The following MYO3B variants were observed in gnomAD, a reference collection of about 807,000 sequenced individuals.
MYO3B encodes the protein myosin-IIIb.
In MYO3B, 156 loss-of-function variants were observed where a neutral mutation model predicts 174.6. That is an observed-to-expected ratio of 0.89 (90% CI 0.78 to 1.02). The LOEUF (loss-of-function observed/expected upper bound fraction) is 1.02, where lower values mean the gene tolerates loss of function less well. MYO3B is among the 50% of genes least tolerant of loss of function. MYO3B has a pLI of 0.00. For synonymous variants in MYO3B, 563 were observed against 569.1 expected (o/e 0.99, Z 0.15); for missense variants, 1,632 against 1,639.4 (o/e 1.00, Z 0.08).
At chr2:170,603,147 G>GC (rs1160919260) in intron 32 of MYO3B, among the ~76,000 whole-genome samples, 1 of 152,036 alleles carries the variant, frequency 6.6e-6, no homozygotes, top group African/African-American at 2.4e-5. Context: ...CCACTTCCCT[G>GC]CCCCTGAAAT....
intron 32 of MYO3B, among the ~76,000 whole-genome samples, chr2:170,618,243 C>A (rs1575258225): frequency 6.6e-6 from 1 of 152,154 alleles, no homozygotes; most frequent in Non-Finnish European, 1.5e-5. Context: ...ATAGGAGCAT[C>A]CATCCATGTC....
intron 7 of MYO3B, among the ~76,000 whole-genome samples, chr2:170,295,437 A>C (rs1301162112): frequency 1.3e-5 from 2 of 151,824 alleles, no homozygotes; most frequent in Admixed American, 1.3e-4. Flanking sequence ...GATTCCCTTA[A>C]ATTTTTAATA....
chr2:170,204,054 A>C (rs1467138231), intron 3 of MYO3B, among the ~76,000 whole-genome samples: 1 of 152,170 alleles, frequency 6.6e-6, no homozygotes, highest in African/African-American at 2.4e-5. Flanking sequence ...CTTCCCTCTC[A>C]TTGTATGAGC....
At chr2:170,511,640 C>T (rs1188516854) in intron 28 of MYO3B, among the ~76,000 whole-genome samples, 1 of 152,186 alleles carries the variant, frequency 6.6e-6, no homozygotes, top group Non-Finnish European at 1.5e-5. Flanking sequence ...TAGGAAATCT[C>T]ATATAATCCA....
chr2:170,229,585 A>C (rs1031518777), intron 6 of MYO3B, among the ~76,000 whole-genome samples: 1 of 152,236 alleles, frequency 6.6e-6, no homozygotes, highest in African/African-American at 2.4e-5. Flanking sequence ...GACAGCAAAA[A>C]TACTATAATA....
intron 23 of MYO3B, among the ~76,000 whole-genome samples, chr2:170,453,269 C>T (rs1683703001): frequency 6.6e-6 from 1 of 152,170 alleles, no homozygotes; most frequent in African/African-American, 2.4e-5. Context: ...TCCTGTGGCA[C>T]TGCCGCTCCA....
At chr2:170,568,982 A>G (rs1322261394) in intron 32 of MYO3B, among the ~76,000 whole-genome samples, 1 of 152,208 alleles carries the variant, frequency 6.6e-6, no homozygotes, top group East Asian at 1.9e-4. Flanking sequence ...TTGTATCTAA[A>G]GATATTTTTA....
intron 6 of MYO3B, among the ~76,000 whole-genome samples, chr2:170,235,551 T>A (rs932850219): frequency 6.6e-6 from 1 of 152,210 alleles, no homozygotes; most frequent in Admixed American, 6.5e-5. Flanking sequence ...AACATCTCTC[T>A]GCTTAGTTGG....
Position 170,562,317 on chromosome 2 carries a change from G to A in MYO3B, c.3733+18329G>A, listed in dbSNP as rs1038904386. Among the ~76,000 whole-genome samples, 8 of 152,172 alleles carry A rather than the reference G, an allele frequency of 5.3e-5. 1 individual carries two copies. The highest frequency in any genetic ancestry group is 1.2e-4 in the African/African-American group (5 of 41,516). Reference sequence around the variant, plus strand: ...ACTTAGATGTTAACCCTATTTTGACGTTTTAGACCACTGATTTTAAAAGAG... The same window carrying A: ...ACTTAGATGTTAACCCTATTTTGACATTTTAGACCACTGATTTTAAAAGAG... On this transcript the variant is annotated intron_variant, in intron 32 of 34. Transcript: ENST00000408978.
Position 170,229,233 on chromosome 2 carries a change from C to T in MYO3B, c.604-6758C>T, listed in dbSNP as rs189781859. Reference sequence around the variant, plus strand: ...TGAATTGTGTAAGCAAATTAAGAATCCTATTTGCCTTCCTACCTCTCAGCC... The same window carrying T: ...TGAATTGTGTAAGCAAATTAAGAATTCTATTTGCCTTCCTACCTCTCAGCC... On this transcript the variant is annotated intron_variant, in intron 6 of 34. Transcript: ENST00000408978. Among the ~76,000 whole-genome samples the T allele has an allele frequency of 2.9e-3, 437 of 152,290 alleles. 4 individuals carry two copies. The highest frequency in any genetic ancestry group is 4.4e-3 in the Non-Finnish European group (297 of 68,022).
At chr2:170,574,666 C>T (rs1390346757) in intron 32 of MYO3B, among the ~76,000 whole-genome samples, 1 of 152,092 alleles carries the variant, frequency 6.6e-6, no homozygotes, top group Non-Finnish European at 1.5e-5. Flanking sequence ...AGTTGTTTTT[C>T]CCCCCTCAGG....
intron 7 of MYO3B, among the ~76,000 whole-genome samples, chr2:170,253,079 T>C (rs555084582): frequency 6.6e-6 from 1 of 152,266 alleles, no homozygotes; most frequent in African/African-American, 2.4e-5. Context: ...TAGCTTCTGT[T>C]TTAAAGGGAT....
intron 30 of MYO3B, among the ~76,000 whole-genome samples, chr2:170,535,357 G>T (rs569580867): frequency 4.6e-5 from 7 of 152,192 alleles, no homozygotes; most frequent in African/African-American, 1.7e-4. Flanking sequence ...AGTGTGGTAC[G>T]AGTGTGTATA....
At chr2:170,314,236 C>T (rs1380255310) in intron 7 of MYO3B, among the ~76,000 whole-genome samples, 2 of 152,124 alleles carry the variant, frequency 1.3e-5, no homozygotes, top group East Asian at 3.9e-4. Context: ...GCCTATTTTG[C>T]CTATTTTCCT....
chr2:170,256,227 A>C (rs2093303305), intron 7 of MYO3B, among the ~76,000 whole-genome samples: 1 of 152,252 alleles, frequency 6.6e-6, no homozygotes, highest in South Asian at 2.1e-4. Flanking sequence ...GATATAGTCC[A>C]CAAAAATTTC....
intron 24 of MYO3B, among the ~76,000 whole-genome samples, chr2:170,464,737 G>A (rs959790938): frequency 2.6e-5 from 4 of 152,128 alleles, no homozygotes; most frequent in Non-Finnish European, 4.4e-5. Flanking sequence ...CTGATGTTTG[G>A]TTATTTATAA....
At chr2:170,213,281 C>G (rs932720954) in intron 3 of MYO3B, among the ~76,000 whole-genome samples, 1 of 152,182 alleles carries the variant, frequency 6.6e-6, no homozygotes, top group African/African-American at 2.4e-5. Context: ...GAGCCGAGCT[C>G]TCTGAGTGAG....
intron 1 of MYO3B, among the ~76,000 whole-genome samples, chr2:170,179,618 A>G (rs921325257): frequency 6.6e-6 from 1 of 151,758 alleles, no homozygotes; most frequent in African/African-American, 2.4e-5. Flanking sequence ...ACTATGTGAG[A>G]CCTTCCACCA....
intron 7 of MYO3B, among the ~76,000 whole-genome samples, chr2:170,276,194 T>C (rs547278967): frequency 1.8e-4 from 27 of 152,312 alleles, no homozygotes; most frequent in African/African-American, 6.5e-4. Context: ...GAGGGGGCAA[T>C]GTGGAACTTG....
Sources: gnomAD v4.1 joint callset for allele counts (sites outside exome capture counted in the v4.1 genomes callset) on GRCh38, gnomAD v4.1.1 for gene constraint, MANE v1.5 for transcripts, NCBI Gene and HGNC (gene_info 2026-07-23, HGNC 2026-07-21) for gene names.